STRAP: variants seen among roughly 807,000 people sequenced by gnomAD.
STRAP encodes the protein serine/threonine kinase receptor associated protein.
Under a neutral mutation model 47.0 loss-of-function variants are expected in STRAP, and 16 were observed. The ratio of observed to expected loss-of-function variants is 0.34; its 90% CI spans 0.23 to 0.52. The LOEUF (loss-of-function observed/expected upper bound fraction) is 0.52. Among genes scored for constraint, STRAP ranks in the 20% least tolerant of loss-of-function variants. STRAP has a pLI of 0.96. For synonymous variants in STRAP, 130 were observed against 142.7 expected, an observed-to-expected ratio of 0.91 and a Z score of 0.63; for missense variants, 293 against 420.0, an observed-to-expected ratio of 0.70 and a Z score of 2.64.
chr12:15,882,594 C>G lies in STRAP; in HGVS notation c.-114C>G. The G allele has an allele frequency of 1.1e-6, 1 of 875,056 alleles. No individual in the cohort carries two copies. The highest frequency in any genetic ancestry group is 1.8e-6 in the Non-Finnish European group (1 of 559,206). 54.2% of individuals were successfully genotyped at this position (875,056 alleles called of 1,614,324 possible). On this transcript the variant is annotated 5_prime_UTR_variant, in exon 1 of 10. Coordinates refer to ENST00000419869, the MANE Select transcript of STRAP (RefSeq NM_007178.4). ...TGCCCTTCTTTTCCTGTTGCCCAGC[C>G]CAGCCCTAGTGTCAGGGCGGGGGCC...
Position 15,889,969 on chromosome 12 carries a change from T to C in STRAP, c.290T>C (p.Leu97Pro). 1 of 1,613,920 alleles carries C rather than the reference T, an allele frequency of 6.2e-7. No homozygotes were observed. The highest frequency in any genetic ancestry group is 8.5e-7 in the Non-Finnish European group (1 of 1,179,886). Residue 97 changes from leucine to proline, a missense_variant, in exon 3 of 10, where the codon CTG becomes CCG. By Grantham distance (98) the Leu-to-Pro change is moderately conservative (BLOSUM62 -3). Coordinates refer to ENST00000419869, the MANE Select transcript of STRAP (RefSeq NM_007178.4). ...GTCTCAGGAGATGAATTGATGACCC[T>C]GGCTCATAAACACATTGTCAAGACT... ...DAVSGDELMT[L>P]AHKHIVKTVD...
chr12:15,899,941 G>A lies in STRAP; in HGVS notation c.813G>A (p.Val271=), dbSNP rs1948090099. Residue 271 remains valine, a synonymous_variant, in exon 8 of 10, where the codon GTG becomes GTA. Coordinates refer to ENST00000419869, the MANE Select transcript of STRAP (RefSeq NM_007178.4). The part of the protein sequence containing the change: ...YKGHFGPIHC[V]RFSPDGELYA... ...GACACTTTGGTCCTATTCACTGTGT[G>A]AGATTTAGTCCTGATGGAGAACTCT... The A allele has an allele frequency of 1.2e-6, 2 of 1,613,320 alleles. No homozygotes were observed. The highest frequency in any genetic ancestry group is 3.3e-5 in the Admixed American group (2 of 59,976).
intron 2 of STRAP, among the ~76,000 whole-genome samples, chr12:15,885,917 A>G (rs1275842463): frequency 6.6e-6 from 1 of 152,238 alleles, no homozygotes; most frequent in East Asian, 1.9e-4. Flanking sequence ...AGTAACGATG[A>G]TAGCTACCAT....
chr12:15,894,185 C>CAT lies in STRAP; in HGVS notation c.500+43_500+44dup, dbSNP rs1203613281. The CAT allele has an allele frequency of 6.6e-7, 1 of 1,510,822 alleles. No homozygotes were observed. The highest frequency in any genetic ancestry group is 9.2e-7 in the Non-Finnish European group (1 of 1,089,604). 93.6% of individuals were successfully genotyped at this position (1,510,822 alleles called of 1,614,324 possible). ...TAATAATTTACAATTTAAGGCCGGG[C>CAT]ATGGTGGCTCACGCCTATAATCTCA... is the stretch of plus-strand genomic sequence containing the variant. On this transcript the variant is annotated intron_variant, in intron 5 of 9. Transcript: ENST00000419869. This position sits in a 1 kb window ranked among gnomAD's most constrained non-coding sequence, Gnocchi z 4.9.
chr12:15,887,160 T>C lies in STRAP; in HGVS notation c.249-2768T>C, dbSNP rs190664510. Among the ~76,000 whole-genome samples, 1 of 152,352 alleles carries C rather than the reference T, an allele frequency of 6.6e-6. No individual in the cohort carries two copies. The highest frequency in any genetic ancestry group is 6.5e-5 in the Admixed American group (1 of 15,306). ...CTCCTAGATGACTTGGTCAACATGT[T>C]AAGGTATTTGGGCAATTTTTTAAAA... On this transcript the variant is annotated intron_variant, in intron 2 of 9. Transcript: ENST00000419869. This position sits in a 1 kb window ranked among gnomAD's most constrained non-coding sequence, Gnocchi z 5.5.
intron 2 of STRAP, among the ~76,000 whole-genome samples, chr12:15,884,097 C>T (rs1195730766): frequency 6.6e-6 from 1 of 151,908 alleles, no homozygotes; most frequent in African/African-American, 2.4e-5. Context: ...AACAAACAAA[C>T]AAAAAAACAA....
At chr12:15,889,831 C>T in intron 2 of STRAP, 97 bp from the exon 3 acceptor site, 1 of 888,012 alleles carries the variant, frequency 1.1e-6, no homozygotes. Context: ...TTTCACATAT[C>T]TAACTTATTT....
At chr12:15,883,161 G>T in intron 1 of STRAP, 1 of 1,531,164 alleles carries the variant, frequency 6.5e-7, no homozygotes, top group Non-Finnish European at 8.8e-7. Flanking sequence ...GAGAAATTAG[G>T]CCAGGCCGTG....
chr12:15,903,123 C>A lies in STRAP; in HGVS notation c.*145C>A. 1.2e-6 allele frequency: 1 copy of A among 846,384 alleles called. No homozygotes were observed. The highest frequency in any genetic ancestry group is 1.7e-6 in the Non-Finnish European group (1 of 597,946). 52.4% of individuals were successfully genotyped at this position (846,384 alleles called of 1,614,324 possible). A position where few individuals can be genotyped will look rare whatever the true frequency, so the allele number is the denominator to read the frequency against. On this transcript the variant is annotated 3_prime_UTR_variant, in exon 10 of 10. Coordinates refer to ENST00000419869, the MANE Select transcript of STRAP (RefSeq NM_007178.4). ...TGAATTAGCTCCAGTGCTGGAACAA[C>A]TAACTAACTTGGTGTTACCTGTAAG...
rs368923615 is a variant in STRAP, at chr12:15,903,271, T to C, written c.*293T>C. On this transcript the variant is annotated 3_prime_UTR_variant, in exon 10 of 10. Transcript: ENST00000419869. ...TTTCTATTATTACAATTAGGGTTCT[T>C]GTAGCTGTTTATGTTAATATGGAGA... 34 of 241,482 alleles carry C rather than the reference T, an allele frequency of 1.4e-4. 1 individual carries two copies. Among genetic ancestry groups the C allele is most frequent in the East Asian group, 1.4e-3 (17 of 12,464 alleles). 15.0% of individuals were successfully genotyped at this position (241,482 alleles called of 1,614,324 possible). A position where few individuals can be genotyped will look rare whatever the true frequency, so the allele number is the denominator to read the frequency against.
At position 15,882,417 on chromosome 12, in the gene STRAP, A is replaced by C; in HGVS notation, c.-291A>C. 2.1e-6 allele frequency: 1 copy of C among 482,872 alleles called. No individual in the cohort carries two copies. Among genetic ancestry groups the C allele is most frequent in the Non-Finnish European group, 3.7e-6 (1 of 266,810 alleles). The allele number at this position is 482,872 out of a possible 1,614,324, so 29.9% of individuals were successfully genotyped here. On this transcript the variant is annotated 5_prime_UTR_variant, in exon 1 of 10. Coordinates refer to ENST00000419869, the MANE Select transcript of STRAP (RefSeq NM_007178.4). ...TCACTTCCTGCCGATGCCGGTGTGGACGCTGTGAATCGTGGCTGGCCCGGT... is the reference window on the plus strand; with the variant it reads ...TCACTTCCTGCCGATGCCGGTGTGGCCGCTGTGAATCGTGGCTGGCCCGGT...
rs181501784 is a variant in STRAP, at chr12:15,896,327, C to T, written c.638+831C>T. ...GAGAAGGAATAATCTTATTTCTGTT[C>T]CTGAGTATTTGCAGACTTAATGAAT... is the stretch of plus-strand genomic sequence containing the variant. On this transcript the variant is annotated intron_variant, in intron 6 of 9. Transcript: ENST00000419869. The surrounding 1 kb of genome is among the most constrained non-coding windows in gnomAD (Gnocchi z 4.1). 3.5e-4 allele frequency among the ~76,000 whole-genome samples: 53 copies of T among 152,212 alleles called. No homozygotes were observed. The highest frequency in any genetic ancestry group is 6.2e-4 in the Non-Finnish European group (42 of 68,014).
chr12:15,897,930 A>G lies in STRAP; in HGVS notation c.687A>G (p.Ala229=). The G allele has an allele frequency of 6.3e-7, 1 of 1,594,228 alleles. No individual in the cohort carries two copies. The highest frequency in any genetic ancestry group is 8.5e-7 in the Non-Finnish European group (1 of 1,172,390). Residue 229 remains alanine (A), a synonymous_variant, in exon 7 of 10, where the codon GCA becomes GCG. Coordinates refer to ENST00000419869, the MANE Select transcript of STRAP (RefSeq NM_007178.4). ...SFEAPATINS[A]SLHPEKEFLV... is the part of the protein sequence containing the mutation. Reference sequence around the variant, plus strand: ...AAGCTCCTGCAACCATCAATTCTGCATCTCTTCATCCTGAGAAAGAATTTC... The same window carrying G: ...AAGCTCCTGCAACCATCAATTCTGCGTCTCTTCATCCTGAGAAAGAATTTC...
chr12:15,896,604 T>C lies in STRAP; in HGVS notation c.638+1108T>C, dbSNP rs865920927. 2.0e-5 allele frequency among the ~76,000 whole-genome samples: 3 copies of C among 152,300 alleles called. No individual in the cohort carries two copies. Among genetic ancestry groups the C allele is most frequent in the Middle Eastern group, 3.4e-3 (1 of 294 alleles). On this transcript the variant is annotated intron_variant, in intron 6 of 9. Transcript: ENST00000419869. The surrounding 1 kb of genome is among the most constrained non-coding windows in gnomAD (Gnocchi z 4.1). ...ATTTTGATTTGTTTAAAAATATTGT[T>C]AGCCATTTAAAACTTCTTTGAAAAC...
At chr12:15,884,936 C>T (rs1248897848) in intron 2 of STRAP, among the ~76,000 whole-genome samples, 2 of 152,100 alleles carry the variant, frequency 1.3e-5, no homozygotes, top group Non-Finnish European at 2.9e-5. Flanking sequence ...TTATTGTTGC[C>T]AGAATATACC....
chr12:15,886,827 C>T (rs1417380100), intron 2 of STRAP, among the ~76,000 whole-genome samples: 1 of 152,120 alleles, frequency 6.6e-6, no homozygotes, highest in Non-Finnish European at 1.5e-5. Context: ...GGTCCCGTTT[C>T]TTGTGGAGAA....
rs1456845800 is a variant in STRAP at position 15,896,386 on chromosome 12, TGTA to T, written c.638+894_638+896del. On this transcript the variant is annotated intron_variant, in intron 6 of 9. Coordinates refer to ENST00000419869, the MANE Select transcript of STRAP (RefSeq NM_007178.4). This position sits in a 1 kb window ranked among gnomAD's most constrained non-coding sequence, Gnocchi z 4.1. The stretch of plus-strand genomic sequence containing the variant: ...CAGATTTGAATTTTGCGACTTTAAA[TGTA>T]GTAAATACTCTTGGAGAAAGACTGG... Among the ~76,000 whole-genome samples the T allele has an allele frequency of 3.3e-5, 5 of 152,228 alleles. No individual in the cohort carries two copies. Among genetic ancestry groups the T allele is most frequent in the South Asian group, 2.1e-4 (1 of 4,836 alleles).
intron 8 of STRAP, 140 bp downstream of exon 8, chr12:15,900,193 G>T (rs1948092104): frequency 1.0e-6 from 1 of 980,838 alleles, no homozygotes; most frequent in Non-Finnish European, 1.4e-6. Context: ...AGAAGCCCAG[G>T]ATTATAAATT....
chr12:15,885,094 A>T (rs1191997344), intron 2 of STRAP, among the ~76,000 whole-genome samples: 1 of 150,962 alleles, frequency 6.6e-6, no homozygotes, highest in African/African-American at 2.4e-5. Context: ...TTGACACTTC[A>T]TTGTTTAAAC....
Sources: gnomAD v4.1 joint callset for allele counts (sites outside exome capture counted in the v4.1 genomes callset) on GRCh38, gnomAD v4.1.1 for gene constraint, Gnocchi (gnomAD v3.1) non-coding constraint, MANE v1.5 for transcripts, NCBI Gene and HGNC (gene_info 2026-07-23, HGNC 2026-07-21) for gene names.